Variants in AFF3 observed in about 807,000 individuals in gnomAD.
AFF3 encodes ALF transcription elongation factor 3.
A neutral mutation model predicts 129.7 loss-of-function variants in AFF3; 32 were observed. The observed-to-expected ratio is 0.25, with a 90% CI of 0.19 to 0.33. The LOEUF is 0.33. AFF3 is among the 10% of genes least tolerant of loss of function. The pLI, the probability that AFF3 is intolerant of heterozygous loss-of-function variation, is 1.00. For missense variants in AFF3, 1,373 were observed against 1,592.0 expected (o/e 0.86, Z 2.34); for synonymous variants, 644 against 635.4 (o/e 1.01, Z -0.20).
intron 7 of AFF3, among the ~76,000 whole-genome samples, chr2:99,898,095 G>A (rs1320909088): frequency 6.6e-6 from 1 of 152,156 alleles, no homozygotes; most frequent in Non-Finnish European, 1.5e-5. Context: ...AATGTTATAT[G>A]AGAACCACAG....
At chr2:99,781,462 C>T (rs1186467289) in intron 8 of AFF3, among the ~76,000 whole-genome samples, 12 of 152,212 alleles carry the variant, frequency 7.9e-5, no homozygotes, top group African/African-American at 1.2e-4. Flanking sequence ...TATCTTAGGG[C>T]TGGGTCAGCA....
intron 7 of AFF3, among the ~76,000 whole-genome samples, chr2:99,931,110 G>A (rs1414506944): frequency 6.6e-6 from 1 of 152,148 alleles, no homozygotes. Context: ...CATGACTCTA[G>A]AATCAGTTGG....
intron 13 of AFF3, among the ~76,000 whole-genome samples, chr2:99,644,949 CGA>C (rs1684560525): frequency 6.6e-6 from 1 of 152,142 alleles, no homozygotes; most frequent in Non-Finnish European, 1.5e-5. Flanking sequence ...AGAAAAAACA[CGA>C]GAGGCACACA....
intron 13 of AFF3, 58 bp downstream of exon 13, chr2:99,649,568 A>G: frequency 4.5e-6 from 7 of 1,555,632 alleles, no homozygotes; most frequent in Non-Finnish European, 5.3e-6. Context: ...ATGCCACAAT[A>G]AATAGGGCTC....
At chr2:100,140,547 T>A (rs557552949) in intron 1 of AFF3, among the ~76,000 whole-genome samples, 1 of 152,174 alleles carries the variant, frequency 6.6e-6, no homozygotes, top group Non-Finnish European at 1.5e-5. Flanking sequence ...CCTACCAATC[T>A]CTCCTCTAAA....
intron 7 of AFF3, among the ~76,000 whole-genome samples, chr2:100,005,565 A>G (rs953805077): frequency 6.6e-6 from 1 of 152,236 alleles, no homozygotes; most frequent in Non-Finnish European, 1.5e-5. Flanking sequence ...TAGAAATTAC[A>G]TTTTGCTTCC....
At chr2:100,127,165 G>T (rs1279185919) in intron 2 of AFF3, among the ~76,000 whole-genome samples, 2 of 152,126 alleles carry the variant, frequency 1.3e-5, no homozygotes, top group African/African-American at 4.8e-5. Context: ...GAGAAAAAAT[G>T]ACCGAGGCTC....
intron 11 of AFF3, among the ~76,000 whole-genome samples, chr2:99,723,094 A>T (rs1679050325): frequency 1.3e-5 from 2 of 152,168 alleles, no homozygotes; most frequent in Admixed American, 1.3e-4. Flanking sequence ...TTAGTCTAAG[A>T]TAGGTTCTTC....
intron 7 of AFF3, among the ~76,000 whole-genome samples, chr2:99,862,404 A>T (rs1369955722): frequency 6.6e-6 from 1 of 152,144 alleles, no homozygotes; most frequent in African/African-American, 2.4e-5. Context: ...TCTGAGTTTC[A>T]TGTTTCAGAA....
intron 12 of AFF3, among the ~76,000 whole-genome samples, chr2:99,650,332 G>A (rs1197163170): frequency 6.6e-6 from 1 of 152,166 alleles, no homozygotes; most frequent in African/African-American, 2.4e-5. Flanking sequence ...GCTGAGGCAG[G>A]TGGATCACCT....
chr2:99,834,125 C>T (rs148352410), intron 8 of AFF3, among the ~76,000 whole-genome samples: 1 of 152,096 alleles, frequency 6.6e-6, no homozygotes, highest in African/African-American at 2.4e-5. Flanking sequence ...CAGGTAGAAA[C>T]GGGAAACCTC....
rs59005550 is a variant in AFF3 at position 100,059,254 on chromosome 2, C to CAAAAAAAA, written c.53+45140_53+45147dup. ...GGCAACAGAAGTGAGACTCTGTCTC[C>CAAAAAAAA]AAAAAAAAAAAAAAAAAAAAAAAAA... On this transcript the variant is annotated intron_variant, in intron 4 of 24. Coordinates refer to ENST00000672756, the MANE Select transcript of AFF3 (RefSeq NM_001386135.1). Among the ~76,000 whole-genome samples, 13 of 31,014 alleles carry CAAAAAAAA rather than the reference C, an allele frequency of 4.2e-4. 2 individuals are homozygous for CAAAAAAAA. The highest frequency in any genetic ancestry group is 0.024 in the Middle Eastern group (1 of 42). 20.3% of individuals were successfully genotyped at this position (31,014 alleles called of 152,430 possible). A position where few individuals can be genotyped will look rare whatever the true frequency, so the allele number is the denominator to read the frequency against.
At chr2:99,710,723 T>C (rs1677815008) in intron 11 of AFF3, among the ~76,000 whole-genome samples, 1 of 152,194 alleles carries the variant, frequency 6.6e-6, no homozygotes, top group African/African-American at 2.4e-5. Context: ...TATCTCCACA[T>C]TCCCTGTCCC....
At chr2:100,101,101 C>T (rs1442951381) in intron 4 of AFF3, among the ~76,000 whole-genome samples, 1 of 152,104 alleles carries the variant, frequency 6.6e-6, no homozygotes, top group Non-Finnish European at 1.5e-5. Flanking sequence ...AAAGTTGAAA[C>T]AGCCATCTGG....
intron 12 of AFF3, among the ~76,000 whole-genome samples, chr2:99,652,913 T>C (rs539846848): frequency 6.6e-6 from 1 of 152,280 alleles, no homozygotes; most frequent in African/African-American, 2.4e-5. Flanking sequence ...TAAGGAGAGC[T>C]GAGGGAGCAG....
intron 12 of AFF3, among the ~76,000 whole-genome samples, chr2:99,653,826 C>T (rs1055643965): frequency 5.3e-5 from 8 of 151,440 alleles, no homozygotes; most frequent in South Asian, 2.1e-4. Context: ...TATGCTACCA[C>T]GCATGCAACA....
rs530442731 is a variant in AFF3 at position 100,068,951 on chromosome 2, T to A, written c.53+35451A>T. On this transcript the variant is annotated intron_variant, in intron 4 of 24. Coordinates refer to ENST00000672756, the MANE Select transcript of AFF3 (RefSeq NM_001386135.1). ...TTTCTCCTTAGATGGTAACCAAACC[T>A]TGTATTTTTTAAGTTTTCTTTGAAG... Among the ~76,000 whole-genome samples the A allele has an allele frequency of 3.3e-4, 50 of 152,246 alleles. No homozygotes were observed. In the South Asian group the frequency reaches 7.5e-3, roughly 23 times the overall value.
At chr2:99,907,229 C>A (rs778311195) in intron 7 of AFF3, among the ~76,000 whole-genome samples, 5 of 152,156 alleles carry the variant, frequency 3.3e-5, no homozygotes, top group Non-Finnish European at 7.3e-5. Context: ...TCGTGTTTAT[C>A]ATGTCATTGA....
At chr2:99,584,328 T>C (rs1677877944) in intron 16 of AFF3, among the ~76,000 whole-genome samples, 1 of 151,720 alleles carries the variant, frequency 6.6e-6, no homozygotes, top group Admixed American at 6.6e-5. Flanking sequence ...ATTAGCCGGG[T>C]GTGGTGGCGC....
Sources: gnomAD v4.1 joint callset for allele counts (sites outside exome capture counted in the v4.1 genomes callset) on GRCh38, gnomAD v4.1.1 for gene constraint, MANE v1.5 for transcripts, NCBI Gene and HGNC (gene_info 2026-07-23, HGNC 2026-07-21) for gene names.